PIGN: variants seen among roughly 807,000 people sequenced by gnomAD.
PIGN encodes GPI ethanolamine phosphate transferase 1.
PIGN carries 117 observed loss-of-function variants against 125.4 expected under a neutral mutation model. The ratio of observed to expected loss-of-function variants is 0.93; its 90% confidence interval spans 0.80 to 1.09. The LOEUF is 1.09. PIGN is among the 50% of genes least tolerant of loss of function. The pLI, the probability that PIGN is intolerant of heterozygous loss-of-function variation, is 0.00. For missense variants in PIGN, 1,075 were observed against 1,094.9 expected, an observed-to-expected ratio of 0.98 and a Z score of 0.26; for synonymous variants, 392 against 377.8, an observed-to-expected ratio of 1.04 and a Z score of -0.44.
intron 1 of PIGN, among the ~76,000 whole-genome samples, chr18:62,180,128 A>G (rs2037664234): frequency 6.6e-6 from 1 of 152,208 alleles, no homozygotes; most frequent in African/African-American, 2.4e-5. Flanking sequence ...ACCCATAACA[A>G]AATAATTTCA....
At chr18:62,117,324 T>C (rs2035124297) in intron 14 of PIGN, among the ~76,000 whole-genome samples, 1 of 152,080 alleles carries the variant, frequency 6.6e-6, no homozygotes, top group Non-Finnish European at 1.5e-5. Context: ...GTAAAATATG[T>C]TCAGATTTAT....
chr18:62,139,048 T>A lies in PIGN; in HGVS notation c.1051A>T (p.Asn351Tyr), dbSNP rs554764911. 1.2e-6 allele frequency: 2 copies of A among 1,606,708 alleles called. No homozygotes were observed. Among genetic ancestry groups the A allele is most frequent in the Admixed American group, 1.7e-5 (1 of 59,534 alleles). ...VGILPVDYLN[N>Y]TDLFKAESMF... ...CTCTCTGCTTTGAAGAGATCAGTGTTGTTAAGATAATCCACAGGAAGGATT... is the reference window on the plus strand; with the variant it reads ...CTCTCTGCTTTGAAGAGATCAGTGTAGTTAAGATAATCCACAGGAAGGATT... The change falls in exon 13 of 31, where the codon AAC becomes TAC. Residue 351 changes from asparagine (N) to tyrosine (Y), a missense_variant. This residue lies in a region of PIGN where 915 missense variants were observed against 908.7 expected (regional missense o/e 1.01). Transcript: ENST00000640252.
At chr18:62,134,878 T>G (rs1481561660) in intron 14 of PIGN, among the ~76,000 whole-genome samples, 1 of 152,222 alleles carries the variant, frequency 6.6e-6, no homozygotes, top group African/African-American at 2.4e-5. Context: ...CCCTTAAGTT[T>G]CTGATTGTCA....
At chr18:62,085,026 T>C (rs897052336) in intron 26 of PIGN, among the ~76,000 whole-genome samples, 183 bp downstream of exon 26, 6 of 152,052 alleles carry the variant, frequency 3.9e-5, no homozygotes, top group African/African-American at 1.5e-4. Flanking sequence ...GAGAATCGCT[T>C]GAACCTGGGA....
chr18:62,051,380 C>T (rs1010910564), intron 30 of PIGN, among the ~76,000 whole-genome samples: 2 of 152,124 alleles, frequency 1.3e-5, no homozygotes, highest in African/African-American at 2.4e-5. Flanking sequence ...AATTTCAGAG[C>T]CTGTTATTGG....
intron 15 of PIGN, among the ~76,000 whole-genome samples, chr18:62,113,966 CAT>C (rs2034984985): frequency 6.6e-6 from 1 of 152,102 alleles, no homozygotes; most frequent in Non-Finnish European, 1.5e-5. Flanking sequence ...AAGTGGCAAA[CAT>C]ATAGTATTCT....
chr18:62,073,610 C>T (rs1485469358), intron 29 of PIGN, among the ~76,000 whole-genome samples: 2 of 152,180 alleles, frequency 1.3e-5, no homozygotes, highest in Non-Finnish European at 2.9e-5. Context: ...TTGCACAAAA[C>T]TGAAAGCTGA....
intron 1 of PIGN, among the ~76,000 whole-genome samples, chr18:62,181,300 T>A (rs902252911): frequency 6.6e-5 from 10 of 152,126 alleles, no homozygotes; most frequent in Non-Finnish European, 1.0e-4. Context: ...ATAAAAAAAA[T>A]TTTAAACATC....
intron 14 of PIGN, among the ~76,000 whole-genome samples, chr18:62,134,044 A>G (rs2035836939): frequency 1.3e-5 from 2 of 151,918 alleles, no homozygotes; most frequent in African/African-American, 4.8e-5. Flanking sequence ...CTCCCCACTC[A>G]ATTTGGCTAT....
intron 11 of PIGN, among the ~76,000 whole-genome samples, chr18:62,140,818 T>C (rs2036108205): frequency 6.6e-6 from 1 of 152,176 alleles, no homozygotes; most frequent in Non-Finnish European, 1.5e-5. Flanking sequence ...ATAAAATGAA[T>C]ATCAAGAGTA....
At chr18:62,173,092 T>C (rs2037395559) in intron 1 of PIGN, among the ~76,000 whole-genome samples, 1 of 152,230 alleles carries the variant, frequency 6.6e-6, no homozygotes, top group South Asian at 2.1e-4. Context: ...GAGACAAAGA[T>C]ATATTTTCCT....
At chr18:62,127,850 T>C (rs1380839921) in intron 14 of PIGN, among the ~76,000 whole-genome samples, 2 of 152,018 alleles carry the variant, frequency 1.3e-5, no homozygotes, top group Non-Finnish European at 2.9e-5. Flanking sequence ...GGCATTTTTC[T>C]TACTCCAATT....
chr18:62,096,526 T>TC (rs2034202138), intron 22 of PIGN, among the ~76,000 whole-genome samples: 2 of 137,928 alleles, frequency 1.5e-5, no homozygotes, highest in African/African-American at 5.5e-5. Context: ...CTTTTTTTTT[T>TC]TTTTTTTTTT....
At chr18:62,150,873 T>C (rs1172604699) in intron 7 of PIGN, among the ~76,000 whole-genome samples, 1 of 152,084 alleles carries the variant, frequency 6.6e-6, no homozygotes, top group Non-Finnish European at 1.5e-5. Flanking sequence ...GGCTAATTTT[T>C]GTATTTTTAG....
intron 23 of PIGN, among the ~76,000 whole-genome samples, chr18:62,028,266 C>T (rs1476621151): frequency 6.6e-6 from 1 of 152,202 alleles, no homozygotes; most frequent in East Asian, 1.9e-4. Flanking sequence ...AAATCTGCAA[C>T]AGCACTGATA....
chr18:62,042,930 A>AC lies in PIGN; in HGVS notation c.*2925_*2926insG, dbSNP rs1476795951. ...CTGTCTCAAAACAAAAACGAAAAAAAAAAAAACAAAAAACCATGCTTATAC... is the reference window on the plus strand; with the variant it reads ...CTGTCTCAAAACAAAAACGAAAAAAACAAAAAACAAAAAACCATGCTTATAC... On this transcript the variant is annotated 3_prime_UTR_variant, in exon 31 of 31. Coordinates refer to ENST00000640252, the MANE Select transcript of PIGN (RefSeq NM_176787.5). The AC allele has an allele frequency of 1.3e-5, 2 of 152,016 alleles. No homozygotes were observed. The highest frequency in any genetic ancestry group is 6.6e-5 in the Admixed American group (1 of 15,258). 9.4% of individuals were successfully genotyped at this position (152,016 alleles called of 1,614,324 possible).
chr18:62,054,403 C>G (rs2031560997), intron 30 of PIGN, among the ~76,000 whole-genome samples: 1 of 149,592 alleles, frequency 6.7e-6, no homozygotes, highest in Non-Finnish European at 1.5e-5. Context: ...TGTGAAGGGC[C>G]CTGTTAAGAG....
chr18:62,105,585 G>GGGAACACTGCCA lies in PIGN; in HGVS notation c.1805_1816dup (p.Leu602_Phe605dup). 1 of 1,555,558 alleles carries GGGAACACTGCCA rather than the reference G, an allele frequency of 6.4e-7. No homozygotes were observed. The highest frequency in any genetic ancestry group is 8.7e-7 in the Non-Finnish European group (1 of 1,148,886). The stretch of plus-strand genomic sequence containing the variant: ...CTTTCGACCTACAACCGGCATCAGT[G>GGGAACACTGCCA]GGAACACTGCCAGGAGCAAAGAGAA... On this transcript the variant is annotated inframe_insertion, in exon 20 of 31. Coordinates refer to ENST00000640252, the MANE Select transcript of PIGN (RefSeq NM_176787.5).
intron 7 of PIGN, among the ~76,000 whole-genome samples, chr18:62,149,020 G>A: frequency 6.6e-6 from 1 of 152,136 alleles, no homozygotes; most frequent in East Asian, 1.9e-4. Flanking sequence ...ACATATGCAT[G>A]AACATGGGTG....
Sources: gnomAD v4.1 joint callset for allele counts (sites outside exome capture counted in the v4.1 genomes callset) on GRCh38, gnomAD v4.1.1 for gene constraint, gnomAD v4.1.1 regional missense constraint, MANE v1.5 for transcripts, NCBI Gene and HGNC (gene_info 2026-07-23, HGNC 2026-07-21) for gene names.